The following NFXL1 variants were observed in gnomAD, a reference collection of about 807,000 sequenced individuals.
The protein encoded by NFXL1 is nuclear transcription factor, X-box binding like 1.
In NFXL1, 66 loss-of-function variants were observed where a neutral mutation model predicts 123.3. That is an observed-to-expected ratio of 0.54 (90% CI 0.44 to 0.66). The LOEUF (loss-of-function observed/expected upper bound fraction) is 0.66, where lower values mean the gene tolerates loss of function less well. Ranked by LOEUF, NFXL1 falls within the 30% of genes least tolerant of loss-of-function variation. The pLI is 0.00. For missense variants in NFXL1, 944 were observed against 1,125.6 expected, an observed-to-expected ratio of 0.84 and a Z score of 2.31; for synonymous variants, 346 against 360.8, an observed-to-expected ratio of 0.96 and a Z score of 0.46.
At chr4:47,848,733 C>A (rs569429850) in intron 22 of NFXL1, among the ~76,000 whole-genome samples, 1 of 151,820 alleles carries the variant, frequency 6.6e-6, no homozygotes, top group Non-Finnish European at 1.5e-5. Context: ...ACTAAAAATA[C>A]AAAAAATTAG....
intron 2 of NFXL1, among the ~76,000 whole-genome samples, chr4:47,912,880 G>A (rs4695308): frequency 0.092 from 13,583 of 148,412 alleles, 972 homozygotes; most frequent in East Asian, 0.31. Context: ...AGGCGTGGTG[G>A]CAGGCGCCTG....
intron 18 of NFXL1, among the ~76,000 whole-genome samples, chr4:47,867,810 C>T (rs529052422): frequency 2.0e-5 from 3 of 151,872 alleles, no homozygotes; most frequent in East Asian, 1.9e-4. Context: ...TAGGAAAGAA[C>T]GCATCAATAA....
At chr4:47,903,634 T>A (rs1042291550) in intron 4 of NFXL1, among the ~76,000 whole-genome samples, 9 of 152,084 alleles carry the variant, frequency 5.9e-5, no homozygotes, top group African/African-American at 2.2e-4. Flanking sequence ...GGTCATACTA[T>A]AATAACTGAA....
At chr4:47,885,363 G>A in intron 14 of NFXL1, 135 bp downstream of exon 14, 1 of 663,050 alleles carries the variant, frequency 1.5e-6, no homozygotes, top group South Asian at 2.8e-5. Context: ...ATCAAGTCTT[G>A]ATTACCTTGT....
chr4:47,881,179 A>G (rs1207628313), intron 15 of NFXL1, among the ~76,000 whole-genome samples: 1 of 152,110 alleles, frequency 6.6e-6, no homozygotes, highest in Non-Finnish European at 1.5e-5. Flanking sequence ...TATATTTTCA[A>G]ATAGCTAGAA....
chr4:47,861,676 T>A (rs530669472), intron 19 of NFXL1, among the ~76,000 whole-genome samples: 118 of 152,282 alleles, frequency 7.7e-4, no homozygotes, highest in African/African-American at 2.5e-3. Context: ...AAAAATTAAA[T>A]TTGAAATATC....
intron 20 of NFXL1, among the ~76,000 whole-genome samples, chr4:47,853,092 T>A (rs1273928729): frequency 1.3e-5 from 2 of 151,996 alleles, no homozygotes; most frequent in Non-Finnish European, 1.5e-5. Context: ...CAAAAATAAG[T>A]ATCGTGTGTT....
intron 19 of NFXL1, among the ~76,000 whole-genome samples, chr4:47,861,774 A>C (rs1207863002): frequency 6.6e-6 from 1 of 152,216 alleles, no homozygotes; most frequent in African/African-American, 2.4e-5. Flanking sequence ...ATCTTACATA[A>C]ATTTAAAAAC....
chr4:47,855,625 G>A (rs1447667698), intron 19 of NFXL1, among the ~76,000 whole-genome samples: 1 of 151,868 alleles, frequency 6.6e-6, no homozygotes, highest in Non-Finnish European at 1.5e-5. Context: ...ATTCATGGGT[G>A]AACACATGGA....
rs760226313 is a variant in NFXL1 at position 47,903,307 on chromosome 4, C to A, written c.533G>T (p.Gly178Val). 3.8e-6 allele frequency: 6 copies of A among 1,563,882 alleles called. No homozygotes were observed. The highest frequency in any genetic ancestry group is 1.4e-5 in the African/African-American group (1 of 71,630). ...KRNQAVWSCSGCFCIFHMPCI... is the reference protein window; with the variant it reads ...KRNQAVWSCSVCFCIFHMPCI... Reference sequence around the variant, plus strand: ...GGGCATGTGAAATATACAGAAACATCCCGAACAGCTCCAAACCTAAGACAA... The same window carrying A: ...GGGCATGTGAAATATACAGAAACATACCGAACAGCTCCAAACCTAAGACAA... Residue 178 changes from glycine (G) to valine (V), a missense_variant, in exon 5 of 23, where the codon GGA (glycine) becomes GTA (valine). This residue lies in a region of NFXL1 where 303 missense variants were observed against 292.1 expected (regional missense o/e 1.04). Coordinates refer to ENST00000507489, the MANE Select transcript of NFXL1 (RefSeq NM_001278624.2).
At chr4:47,888,273 A>C (rs1736566423) in intron 12 of NFXL1, among the ~76,000 whole-genome samples, 1 of 152,230 alleles carries the variant, frequency 6.6e-6, no homozygotes, top group African/African-American at 2.4e-5. Context: ...ACTCCGTCTC[A>C]AAGAACAAAA....
chr4:47,865,319 GAAA>G (rs904759409), intron 18 of NFXL1, among the ~76,000 whole-genome samples: 1 of 151,730 alleles, frequency 6.6e-6, no homozygotes, highest in African/African-American at 2.4e-5. Context: ...ATGTATTTAA[GAAA>G]AAAAATCTGT....
intron 2 of NFXL1, among the ~76,000 whole-genome samples, chr4:47,911,803 T>C (rs1192917531): frequency 6.6e-6 from 1 of 152,194 alleles, no homozygotes; most frequent in Non-Finnish European, 1.5e-5. Flanking sequence ...TTCAAACTTC[T>C]TGAGAGCAAG....
intron 8 of NFXL1, 46 bp from the exon 9 acceptor site, chr4:47,898,127 CAA>C (rs773324015): frequency 1.7e-5 from 20 of 1,166,108 alleles, no homozygotes; most frequent in Non-Finnish European, 2.5e-5. Context: ...TAAAAGTTAA[CAA>C]AAAAAGACTT....
At chr4:47,912,474 T>TG (rs1737877057) in intron 2 of NFXL1, among the ~76,000 whole-genome samples, 1 of 149,924 alleles carries the variant, frequency 6.7e-6, no homozygotes, top group East Asian at 2.0e-4. Context: ...TTTTTTTTTT[T>TG]TTTGAGACGG....
At chr4:47,883,837 A>G (rs977134734) in intron 15 of NFXL1, among the ~76,000 whole-genome samples, 4 of 152,200 alleles carry the variant, frequency 2.6e-5, no homozygotes, top group African/African-American at 9.7e-5. Flanking sequence ...CTCTGCTGGA[A>G]GTATAAAAAA....
chr4:47,883,341 T>A (rs2110077471), intron 15 of NFXL1, among the ~76,000 whole-genome samples: 1 of 152,332 alleles, frequency 6.6e-6, no homozygotes, highest in African/African-American at 2.4e-5. Flanking sequence ...TTCGTGCCTA[T>A]GAATTATAAT....
chr4:47,851,717 A>T lies in NFXL1; in HGVS notation c.2508+139T>A, dbSNP rs1160362556. Reference sequence around the variant, plus strand: ...CAATGAAAATCCCAATCTGCCATTCAAAATAAGCCTATAAAACTAGGCTTT... The same window carrying T: ...CAATGAAAATCCCAATCTGCCATTCTAAATAAGCCTATAAAACTAGGCTTT... On this transcript the variant is annotated intron_variant, in intron 21 of 22. Coordinates refer to ENST00000507489, the MANE Select transcript of NFXL1 (RefSeq NM_001278624.2). 7.1e-6 allele frequency: 4 copies of T among 565,204 alleles called. No homozygotes were observed. The African/African-American group carries it at 7.7e-5, about 11-fold the overall frequency. 35.0% of individuals were successfully genotyped at this position (565,204 alleles called of 1,614,324 possible). A position where few individuals can be genotyped will look rare whatever the true frequency, so the allele number is the denominator to read the frequency against.
rs10712553 is a variant in NFXL1, at chr4:47,908,422, C to CA, written c.406+2401dup. Among the ~76,000 whole-genome samples the CA allele has an allele frequency of 2.3e-4, 33 of 145,266 alleles. No homozygotes were observed. In the East Asian group the frequency reaches 2.4e-3, roughly 11 times the overall value. ...CTGGGCAATAGAAGAAGACTGTCTC[C>CA]AAAAAAAAAAAAAGACTAACTCTCA... On this transcript the variant is annotated intron_variant, in intron 3 of 22. Coordinates refer to ENST00000507489, the MANE Select transcript of NFXL1 (RefSeq NM_001278624.2).
Sources: gnomAD v4.1 joint callset for allele counts (sites outside exome capture counted in the v4.1 genomes callset) on GRCh38, gnomAD v4.1.1 for gene constraint, gnomAD v4.1.1 regional missense constraint, MANE v1.5 for transcripts, NCBI Gene and HGNC (gene_info 2026-07-23, HGNC 2026-07-21) for gene names.